The following ADAMTSL1 variants were observed in gnomAD, a reference collection of about 807,000 sequenced individuals.
ADAMTSL1 encodes the protein ADAMTS-like protein 1.
In ADAMTSL1, 126 loss-of-function variants were observed where a neutral mutation model predicts 201.8. The ratio of observed to expected loss-of-function variants is 0.62; its 90% CI spans 0.54 to 0.72. The LOEUF (loss-of-function observed/expected upper bound fraction) is 0.72, where lower values mean the gene tolerates loss of function less well. Ranked by LOEUF, ADAMTSL1 falls within the 30% of genes least tolerant of loss-of-function variation. The probability of loss-of-function intolerance (pLI) is 0.00; values close to 1 mark genes in which losing one functional copy is unlikely to be tolerated. For synonymous variants in ADAMTSL1, 1,121 were observed against 903.4 expected, an observed-to-expected ratio of 1.24 and a Z score of -4.32; for missense variants, 2,679 against 2,277.8, an observed-to-expected ratio of 1.18 and a Z score of -3.59.
intron 3 of ADAMTSL1, among the ~76,000 whole-genome samples, chr9:18,544,792 A>G (rs183708737): frequency 4.1e-4 from 63 of 152,330 alleles, no homozygotes; most frequent in African/African-American, 1.5e-3. Flanking sequence ...ATCAGTTGTT[A>G]TATTGAGACC....
rs985577203 is a variant in ADAMTSL1 at position 18,224,558 on chromosome 9, C to A, written c.207+60577C>A. Among the ~76,000 whole-genome samples, 4 of 152,146 alleles carry A rather than the reference C, an allele frequency of 2.6e-5. No homozygotes were observed. In the East Asian group the frequency reaches 7.7e-4, roughly 29 times the overall value. Reference sequence around the variant, plus strand: ...CCCAAATTTATGTGCTTCTCACATACAAAATACATCAATTTCATCTCAATG... The same window carrying A: ...CCCAAATTTATGTGCTTCTCACATAAAAAATACATCAATTTCATCTCAATG... On this transcript the variant is annotated intron_variant, in intron 2 of 29. Coordinates refer to the ADAMTSL1 transcript ENST00000680146.
At chr9:18,755,504 C>A (rs935151278) in intron 16 of ADAMTSL1, among the ~76,000 whole-genome samples, 1 of 152,154 alleles carries the variant, frequency 6.6e-6, no homozygotes, top group African/African-American at 2.4e-5. Context: ...GTCTTAATAT[C>A]GTCCTAGTCT....
intron 2 of ADAMTSL1, among the ~76,000 whole-genome samples, chr9:18,450,594 A>G (rs1820366331): frequency 2.0e-5 from 3 of 151,534 alleles, no homozygotes; most frequent in Admixed American, 2.0e-4. Flanking sequence ...TATTATGTAT[A>G]CATATATATG....
chr9:18,304,031 T>G (rs1241615911), intron 2 of ADAMTSL1, among the ~76,000 whole-genome samples: 1 of 152,218 alleles, frequency 6.6e-6, no homozygotes, highest in African/African-American at 2.4e-5. Context: ...GCATTTAACC[T>G]TGGCCTGTGG....
intron 2 of ADAMTSL1, among the ~76,000 whole-genome samples, chr9:18,356,880 A>G (rs1478652263): frequency 6.6e-6 from 1 of 152,198 alleles, no homozygotes; most frequent in Non-Finnish European, 1.5e-5. Context: ...TACCACACAC[A>G]TGTAGACATC....
rs151198404 is a variant in ADAMTSL1 at position 18,385,281 on chromosome 9, A to G, written c.208-119548A>G. On this transcript the variant is annotated intron_variant, in intron 2 of 29. Transcript: ENST00000680146. ...GACTATTCCCTGGGTGTCTGGCTTT[A>G]TGATCCACCCAGATTCCCACATTAT... Among the ~76,000 whole-genome samples the G allele has an allele frequency of 3.1e-3, 473 of 152,004 alleles. 1 individual carries two copies. Among genetic ancestry groups the G allele is most frequent in the African/African-American group, 0.01 (433 of 41,468 alleles).
chr9:18,772,135 T>A (rs1438259618), intron 17 of ADAMTSL1, among the ~76,000 whole-genome samples: 1 of 152,200 alleles, frequency 6.6e-6, no homozygotes, highest in Non-Finnish European at 1.5e-5. Flanking sequence ...TCCGTGGGAA[T>A]GTTGATTTGG....
chr9:18,396,041 T>C (rs1035561493), intron 2 of ADAMTSL1, among the ~76,000 whole-genome samples: 1 of 152,200 alleles, frequency 6.6e-6, no homozygotes, highest in Non-Finnish European at 1.5e-5. Context: ...CTGAGAGTTC[T>C]TGGGGCTAGC....
chr9:18,664,620 T>C (rs1239137723), intron 9 of ADAMTSL1, among the ~76,000 whole-genome samples: 4 of 151,862 alleles, frequency 2.6e-5, no homozygotes, highest in Non-Finnish European at 5.9e-5. Context: ...AAAAGTAGAG[T>C]CCCTTGTAGT....
In ADAMTSL1 at chr9:18,844,453, G is replaced by A. The variant is rs574995058; in HGVS notation, c.4249+14476G>A. ...GGTGTCAGTCTGCCCCTACTGGGGG[G>A]TGCCTCCCAGTTAGGCTGCTCGGGG... On this transcript the variant is annotated intron_variant, in intron 23 of 28. Coordinates refer to ENST00000380548, the MANE Select transcript of ADAMTSL1 (RefSeq NM_001040272.6). 5.9e-5 allele frequency among the ~76,000 whole-genome samples: 9 copies of A among 152,312 alleles called. No individual in the cohort carries two copies. The South Asian group carries it at 1.2e-3, about 21-fold the overall frequency.
At chr9:18,221,680 T>C (rs1233840241) in intron 2 of ADAMTSL1, among the ~76,000 whole-genome samples, 1 of 152,176 alleles carries the variant, frequency 6.6e-6, no homozygotes, top group Non-Finnish European at 1.5e-5. Context: ...TCTTCTTATT[T>C]AGAAGTATGT....
At chr9:18,493,881 G>T (rs544084421) in intron 1 of ADAMTSL1, among the ~76,000 whole-genome samples, 1 of 152,188 alleles carries the variant, frequency 6.6e-6, no homozygotes. Flanking sequence ...TATTCACTGA[G>T]ACCGATTACG....
chr9:18,779,837 C>A (rs1171919694), intron 19 of ADAMTSL1, among the ~76,000 whole-genome samples: 1 of 152,196 alleles, frequency 6.6e-6, no homozygotes, highest in African/African-American at 2.4e-5. Flanking sequence ...GATGCCCTCT[C>A]CTCTACCAGC....
intron 22 of ADAMTSL1, 135 bp downstream of exon 22, chr9:18,826,598 A>T: frequency 9.3e-7 from 1 of 1,077,884 alleles, no homozygotes; most frequent in Non-Finnish European, 1.3e-6. Context: ...CTTCTTCCCA[A>T]TTTAGGGCCT....
At chr9:18,381,277 A>G (rs1037773569) in intron 2 of ADAMTSL1, among the ~76,000 whole-genome samples, 4 of 152,132 alleles carry the variant, frequency 2.6e-5, no homozygotes, top group Admixed American at 6.5e-5. Context: ...AAAAATCAGT[A>G]GGTCTTTGTG....
chr9:18,533,535 C>G (rs1256852021), intron 3 of ADAMTSL1, among the ~76,000 whole-genome samples: 2 of 152,150 alleles, frequency 1.3e-5, no homozygotes, highest in African/African-American at 4.8e-5. Flanking sequence ...TACATTTCCT[C>G]CCTACTTTCT....
intron 2 of ADAMTSL1, among the ~76,000 whole-genome samples, chr9:18,177,191 C>G (rs1412861359): frequency 1.3e-5 from 2 of 152,146 alleles, no homozygotes; most frequent in East Asian, 1.9e-4. Context: ...GACTGTTCAT[C>G]TTTATGTATT....
In ADAMTSL1 at chr9:18,849,389, T is replaced by C. The variant is rs375137238; in HGVS notation, c.4249+19412T>C. Among the ~76,000 whole-genome samples the C allele has an allele frequency of 1.7e-3, 264 of 152,316 alleles. 5 individuals carry two copies. In the South Asian group the frequency reaches 0.054, roughly 31 times the overall value. On this transcript the variant is annotated intron_variant, in intron 23 of 28. Coordinates refer to ENST00000380548, the MANE Select transcript of ADAMTSL1 (RefSeq NM_001040272.6). ...CTTCCTGGATCCAATTATGTGATAA[T>C]GCAAACAATGACAGTTAGTGAATAC...
At chr9:18,411,162 C>CTTTATTTATTTATTTA (rs35217994) in intron 2 of ADAMTSL1, among the ~76,000 whole-genome samples, 39 of 142,354 alleles carry the variant, frequency 2.7e-4, no homozygotes, top group African/African-American at 7.9e-4. Context: ...GCACCCAGCC[C>CTTTATTTATTTATTTA]TTTATTTATT....
Sources: gnomAD v4.1 joint callset for allele counts (sites outside exome capture counted in the v4.1 genomes callset) on GRCh38, gnomAD v4.1.1 for gene constraint, MANE v1.5 for transcripts, NCBI Gene and HGNC (gene_info 2026-07-23, HGNC 2026-07-21) for gene names.